Variants in LGR4 observed in about 807,000 individuals in gnomAD.
The protein encoded by LGR4 is leucine-rich repeat-containing G protein-coupled receptor 4.
Under a neutral mutation model 84.8 loss-of-function variants are expected in LGR4, and 44 were observed. The ratio of observed to expected loss-of-function variants is 0.52; its 90% CI spans 0.41 to 0.67. LGR4 has a LOEUF of 0.67. Among genes scored for constraint, LGR4 ranks in the 30% least tolerant of loss-of-function variants. The pLI is 0.00. For missense variants in LGR4, 1,032 were observed against 1,131.4 expected (o/e 0.91, Z 1.26); for synonymous variants, 429 against 434.3 (o/e 0.99, Z 0.15).
chr11:27,366,018 C>T lies in LGR4; in HGVS notation c.*1849G>A, dbSNP rs1862756840. On this transcript the variant is annotated 3_prime_UTR_variant, in exon 18 of 18. Coordinates refer to ENST00000379214, the MANE Select transcript of LGR4 (RefSeq NM_018490.5). ...CTGAGTACAATATTGTATTTCATAC[C>T]ATATAGCACAAAGATTAACACTTTT... 1 of 152,158 alleles carries T rather than the reference C, an allele frequency of 6.6e-6. No homozygotes were observed. The highest frequency in any genetic ancestry group is 1.5e-5 in the Non-Finnish European group (1 of 67,894). The allele number at this position is 152,158 out of a possible 1,614,324, so 9.4% of individuals were successfully genotyped here. A position where few individuals can be genotyped will look rare whatever the true frequency, so the allele number is the denominator to read the frequency against.
intron 13 of LGR4, among the ~76,000 whole-genome samples, chr11:27,374,765 A>C (rs1280577319): frequency 6.6e-6 from 1 of 152,300 alleles, no homozygotes; most frequent in East Asian, 1.9e-4. Context: ...AGTGTCACTT[A>C]TCAGTTTCTA....
rs2133370608 is a variant in LGR4, at chr11:27,382,261, A to G, written c.690-5T>C. 2 of 1,579,320 alleles carry G rather than the reference A, an allele frequency of 1.3e-6. No homozygotes were observed. The highest frequency in any genetic ancestry group is 1.7e-6 in the Non-Finnish European group (2 of 1,149,420). ...AAGTTATTATAATTCAAGTCTCTAGAAAAAAATGGGTGAAAATATATCAAA... is the reference window on the plus strand; with the variant it reads ...AAGTTATTATAATTCAAGTCTCTAGGAAAAAATGGGTGAAAATATATCAAA... On this transcript the variant is annotated splice_region_variant and splice_polypyrimidine_tract_variant and intron_variant, in intron 6 of 17. Coordinates refer to ENST00000379214, the MANE Select transcript of LGR4 (RefSeq NM_018490.5).
intron 1 of LGR4, among the ~76,000 whole-genome samples, chr11:27,436,833 C>T (rs555116966): frequency 9.2e-5 from 14 of 152,182 alleles, no homozygotes; most frequent in South Asian, 8.3e-4. Context: ...ACATGTCTTA[C>T]GCTTGCAAAT....
At chr11:27,383,002 C>T (rs896065789) in intron 6 of LGR4, among the ~76,000 whole-genome samples, 3 of 151,692 alleles carry the variant, frequency 2.0e-5, no homozygotes, top group Admixed American at 6.6e-5. Context: ...GGTGACAAAG[C>T]GAGACTCTGT....
intron 4 of LGR4, among the ~76,000 whole-genome samples, chr11:27,389,287 T>C (rs1330151776): frequency 1.3e-5 from 2 of 152,118 alleles, no homozygotes; most frequent in Non-Finnish European, 2.9e-5. Context: ...GTGTTTCTGA[T>C]GTATATGAAA....
At chr11:27,370,852 C>T (rs1026076636) in intron 17 of LGR4, among the ~76,000 whole-genome samples, 2 of 152,130 alleles carry the variant, frequency 1.3e-5, no homozygotes, top group Non-Finnish European at 2.9e-5. Flanking sequence ...TAGACACTAA[C>T]ACACAATAAA....
At chr11:27,464,200 C>T (rs1156864739) in intron 1 of LGR4, among the ~76,000 whole-genome samples, 1 of 152,190 alleles carries the variant, frequency 6.6e-6, no homozygotes, top group Non-Finnish European at 1.5e-5. Flanking sequence ...ACGGTTTGCA[C>T]ACAGGAGAAG....
intron 5 of LGR4, 112 bp from the exon 6 acceptor site, chr11:27,384,519 A>C: frequency 1.4e-6 from 1 of 693,296 alleles, no homozygotes. Flanking sequence ...TAAACATATC[A>C]ACAGCTAAAC....
chr11:27,418,482 T>C (rs1045290052), intron 1 of LGR4, among the ~76,000 whole-genome samples: 6 of 152,218 alleles, frequency 3.9e-5, no homozygotes, highest in African/African-American at 1.4e-4. Flanking sequence ...ACTGGCTCCA[T>C]GCTGTCTGAC....
At chr11:27,461,836 ATTTTTTTTTTT>A (rs35205372) in intron 1 of LGR4, among the ~76,000 whole-genome samples, 913 of 76,618 alleles carry the variant, frequency 0.012, 16 homozygotes, top group African/African-American at 0.044. Flanking sequence ...TTGAGTTAGG[ATTTTTTTTTTT>A]TTTTTTTTTT....
At chr11:27,456,625 C>T (rs183559990) in intron 1 of LGR4, among the ~76,000 whole-genome samples, 41 of 152,180 alleles carry the variant, frequency 2.7e-4, no homozygotes, top group African/African-American at 8.2e-4. Flanking sequence ...TCCTCATATA[C>T]CATGTAAGTG....
chr11:27,427,811 A>G (rs1590385402), intron 1 of LGR4, among the ~76,000 whole-genome samples: 1 of 152,238 alleles, frequency 6.6e-6, no homozygotes, highest in African/African-American at 2.4e-5. Flanking sequence ...TTCCCTTATT[A>G]GAGCCCTTGG....
At chr11:27,391,038 A>C in intron 4 of LGR4, 56 bp downstream of exon 4, 1 of 969,492 alleles carries the variant, frequency 1.0e-6, no homozygotes, top group South Asian at 1.4e-5. Flanking sequence ...AGTTATTTAC[A>C]TCTTTAACAG....
chr11:27,465,250 C>T (rs1383442575), intron 1 of LGR4, among the ~76,000 whole-genome samples: 1 of 152,162 alleles, frequency 6.6e-6, no homozygotes, highest in African/African-American at 2.4e-5. Context: ...TCTTTCATGA[C>T]AGAAAGCTAA....
intron 1 of LGR4, among the ~76,000 whole-genome samples, chr11:27,440,661 C>G (rs963534234): frequency 6.6e-6 from 1 of 152,100 alleles, no homozygotes; most frequent in Non-Finnish European, 1.5e-5. Context: ...CCACAAAGAC[C>G]CGGAGGCTTC....
intron 2 of LGR4, among the ~76,000 whole-genome samples, chr11:27,394,155 A>T (rs910821285): frequency 1.3e-5 from 2 of 152,140 alleles, no homozygotes; most frequent in African/African-American, 4.8e-5. Context: ...AAGGCATCCA[A>T]GTACCTAAAT....
At chr11:27,446,439 C>T (rs1227769288) in intron 1 of LGR4, among the ~76,000 whole-genome samples, 1 of 152,192 alleles carries the variant, frequency 6.6e-6, no homozygotes, top group Non-Finnish European at 1.5e-5. Flanking sequence ...AAAAAATTCT[C>T]ATCATCACTG....
intron 2 of LGR4, among the ~76,000 whole-genome samples, chr11:27,402,727 T>C (rs973852635): frequency 1.3e-5 from 2 of 152,172 alleles, no homozygotes; most frequent in Non-Finnish European, 2.9e-5. Context: ...GAGATGTGAA[T>C]AGAAGCATTG....
intron 4 of LGR4, among the ~76,000 whole-genome samples, chr11:27,388,135 A>T (rs1038290852): frequency 1.3e-5 from 2 of 152,224 alleles, no homozygotes; most frequent in Non-Finnish European, 2.9e-5. Context: ...ATTAAAAAGA[A>T]CTATGGAAAA....
Sources: allele counts gnomAD v4.1 joint callset (sites outside exome capture counted in the v4.1 genomes callset), GRCh38; gene constraint gnomAD v4.1.1; transcripts MANE v1.5; gene names NCBI Gene and HGNC (gene_info 2026-07-23, HGNC 2026-07-21).